Variants in KRT79 observed in about 807,000 individuals in gnomAD.
KRT79 encodes the protein keratin, type II cytoskeletal 79.
In KRT79, 51 loss-of-function variants were observed where a neutral mutation model predicts 49.0. The ratio of observed to expected loss-of-function variants is 1.04; its 90% CI spans 0.83 to 1.31. KRT79 has a LOEUF of 1.31. Ranked by LOEUF, KRT79 falls within the 40% of genes most tolerant of loss-of-function variation. The pLI is 0.00. For synonymous variants in KRT79, 312 were observed against 286.6 expected (o/e 1.09, Z -0.90); for missense variants, 728 against 688.0 (o/e 1.06, Z -0.65).
At chr12:52,830,166 C>T in intron 3 of KRT79, 48 bp from the exon 4 acceptor site, 1 of 1,612,462 alleles carries the variant, frequency 6.2e-7, no homozygotes, top group Non-Finnish European at 8.5e-7. Context: ...GGGATGTCCC[C>T]TCTCCCCGAA....
At chr12:52,830,615 C>T (rs1474914380) in intron 2 of KRT79, among the ~76,000 whole-genome samples, 1 of 152,208 alleles carries the variant, frequency 6.6e-6, no homozygotes. Context: ...CTGACCTTTA[C>T]CATCACTTTC....
rs2638502 is a variant in KRT79, at chr12:52,830,164, C to A, written c.760-46G>T. 26,533 of 1,611,596 alleles carry A rather than the reference C, an allele frequency of 0.016. 3,622 individuals carry two copies. In the African/African-American group the frequency reaches 0.3, roughly 18 times the overall value. On this transcript the variant is annotated intron_variant, in intron 3 of 8. Transcript: ENST00000330553. ...CAGATCCTCAGGCCCCAGGGATGTCCCCTCTCCCCGAATCAGCCCAGTACC... is the reference window on the plus strand; with the variant it reads ...CAGATCCTCAGGCCCCAGGGATGTCACCTCTCCCCGAATCAGCCCAGTACC...
At chr12:52,832,388 T>G (rs1366660970) in intron 1 of KRT79, among the ~76,000 whole-genome samples, 2 of 152,144 alleles carry the variant, frequency 1.3e-5, no homozygotes, top group Non-Finnish European at 2.9e-5. Flanking sequence ...AAAAAACTTT[T>G]TTTAAAGTAC....
At position 52,834,174 on chromosome 12, in the gene KRT79, G is replaced by A. The variant is rs578243625; in HGVS notation, c.87C>T (p.Ala29=). 1 of 1,613,748 alleles carries A rather than the reference G, an allele frequency of 6.2e-7. No individual in the cohort carries two copies. Among genetic ancestry groups the A allele is most frequent in the African/African-American group, 1.3e-5 (1 of 75,034 alleles). The change falls in exon 1 of 9, where the codon GCC becomes GCT. Residue 29 remains alanine, a synonymous_variant. Coordinates refer to ENST00000330553, the MANE Select transcript of KRT79 (RefSeq NM_175834.3). ...NSASGGSGSQ[A]RTSFSSVTVS... is the part of the protein sequence containing the mutation. ...CCGTCACTGAGCTGAAGCTGGTGCG[G>A]GCCTGGGACCCACTCCCTCCGCTGG... is the stretch of plus-strand genomic sequence containing the variant.
At chr12:52,829,573 C>T (rs1479023687) in intron 4 of KRT79, among the ~76,000 whole-genome samples, 2 of 152,186 alleles carry the variant, frequency 1.3e-5, no homozygotes, top group African/African-American at 4.8e-5. Context: ...CCATCAAAAG[C>T]ACTTAATAAG....
intron 4 of KRT79, 77 bp from the exon 5 acceptor site, chr12:52,824,439 C>T (rs1189192384): frequency 3.4e-6 from 5 of 1,455,412 alleles, no homozygotes; most frequent in African/African-American, 1.4e-5. Context: ...AGGACATGGG[C>T]CCCCAGGTAG....
intron 7 of KRT79, 93 bp downstream of exon 7, chr12:52,822,923 C>A: frequency 1.5e-6 from 2 of 1,293,888 alleles, no homozygotes; most frequent in East Asian, 2.4e-5. Context: ...CCTGGTTCCT[C>A]TCTCCCTCTC....
In KRT79 at chr12:52,831,386, G is replaced by T; in HGVS notation, c.698+20C>A. 1.2e-6 allele frequency: 2 copies of T among 1,610,572 alleles called. No homozygotes were observed. The highest frequency in any genetic ancestry group is 1.7e-6 in the Non-Finnish European group (2 of 1,177,006). ...CCCCTCCTCACTCCCACATGGCCCC[G>T]CCTGGCCTGCTCTCCTCACTTGTTC... On this transcript the variant is annotated intron_variant, in intron 2 of 8. Coordinates refer to ENST00000330553, the MANE Select transcript of KRT79 (RefSeq NM_175834.3).
At position 52,824,343 on chromosome 12, in the gene KRT79, G is replaced by T; in HGVS notation, c.875C>A (p.Thr292Asn). The T allele has an allele frequency of 6.2e-7, 1 of 1,614,138 alleles. No homozygotes were observed. The highest frequency in any genetic ancestry group is 8.5e-7 in the Non-Finnish European group (1 of 1,179,978). ...CACCACATTGGTGTTAGACACGTGG[G>T]TCTGCACTTGGCTCAGCTCCTGAAG... The part of the protein sequence containing the change: ...LYEMELSQVQ[T>N]HVSNTNVVLS... Residue 292 changes from threonine (T) to asparagine (N), a missense_variant, in exon 5 of 9, where the codon ACC (threonine) becomes AAC (asparagine). Thr to Asn is a moderately conservative substitution (Grantham distance 65, BLOSUM62 0). Transcript: ENST00000330553.
chr12:52,823,070 G>T lies in KRT79; in HGVS notation c.1313C>A (p.Ala438Asp). The change falls in exon 7 of 9, where the codon GCC (alanine) becomes GAC (aspartate). Residue 438 changes from alanine to aspartate, a missense_variant. Transcript: ENST00000330553. The part of the protein sequence containing the change: ...DYQELMNVKL[A>D]LDVEIATYRK... Reference sequence around the variant, plus strand: ...GTAGGTGGCAATCTCCACGTCCAGGGCCAGCTTGACATTCATCAGCTCCTG... The same window carrying T: ...GTAGGTGGCAATCTCCACGTCCAGGTCCAGCTTGACATTCATCAGCTCCTG... 6.2e-7 allele frequency: 1 copy of T among 1,614,148 alleles called. No individual in the cohort carries two copies. The highest frequency in any genetic ancestry group is 8.5e-7 in the Non-Finnish European group (1 of 1,180,012).
Position 52,823,186 on chromosome 12 carries a change from C to T in KRT79, c.1197G>A (p.Leu399=). The T allele has an allele frequency of 1.2e-6, 2 of 1,614,224 alleles. No homozygotes were observed. Among genetic ancestry groups the T allele is most frequent in the Non-Finnish European group, 1.7e-6 (2 of 1,180,028 alleles). Residue 399 remains leucine (L), a synonymous_variant, in exon 7 of 9, where the codon CTG becomes CTA. Coordinates refer to ENST00000330553, the MANE Select transcript of KRT79 (RefSeq NM_175834.3). Reference sequence around the variant, plus strand: ...GCTTCTTCTGAGCATCCTTGAGTGCCAGCTCCCCACGCTGCTCCGCTTCCG... The same window carrying T: ...GCTTCTTCTGAGCATCCTTGAGTGCTAGCTCCCCACGCTGCTCCGCTTCCG... ...AIAEAEQRGE[L]ALKDAQKKLG...
intron 1 of KRT79, among the ~76,000 whole-genome samples, chr12:52,832,084 C>A (rs1362501159): frequency 6.6e-6 from 1 of 152,140 alleles, no homozygotes; most frequent in Admixed American, 6.5e-5. Context: ...GCCTAGGCAA[C>A]ATAGCAAGAC....
intron 1 of KRT79, among the ~76,000 whole-genome samples, chr12:52,832,524 T>C (rs1434431683): frequency 6.6e-6 from 1 of 150,982 alleles, no homozygotes; most frequent in Non-Finnish European, 1.5e-5. Flanking sequence ...GCTCCCAAGC[T>C]GTGATTCTGC....
chr12:52,828,587 A>G (rs535206758), intron 4 of KRT79, among the ~76,000 whole-genome samples: 12 of 152,344 alleles, frequency 7.9e-5, no homozygotes, highest in Non-Finnish European at 1.5e-4. Context: ...CATAGGAAAG[A>G]AAGGGAATGG....
chr12:52,823,894 T>C lies in KRT79; in HGVS notation c.1139A>G (p.Lys380Arg). ...QRLQGEADAAKKQCQQLQTAI... is the reference protein window; with the variant it reads ...QRLQGEADAARKQCQQLQTAI... Reference sequence around the variant, plus strand: ...CCCCCAGTAGAGTCCCACCTGCTTCTTGGCTGCATCAGCCTCCCCCTGCAG... The same window carrying C: ...CCCCCAGTAGAGTCCCACCTGCTTCCTGGCTGCATCAGCCTCCCCCTGCAG... Residue 380 changes from lysine to arginine, a missense_variant, in exon 6 of 9, where the codon AAG (lysine) becomes AGG (arginine). Lys to Arg is a conservative substitution (Grantham distance 26). Transcript: ENST00000330553. 6.2e-7 allele frequency: 1 copy of C among 1,613,240 alleles called. No individual in the cohort carries two copies. The highest frequency in any genetic ancestry group is 8.5e-7 in the Non-Finnish European group (1 of 1,179,848).
intron 4 of KRT79, among the ~76,000 whole-genome samples, chr12:52,828,152 A>T (rs1940202140): frequency 6.6e-6 from 1 of 152,182 alleles, no homozygotes; most frequent in South Asian, 2.1e-4. Context: ...GAAAAGTGGA[A>T]CCAAGTGGAT....
intron 4 of KRT79, among the ~76,000 whole-genome samples, chr12:52,828,449 C>T (rs1940205690): frequency 1.3e-5 from 2 of 152,160 alleles, no homozygotes; most frequent in Non-Finnish European, 2.9e-5. Flanking sequence ...TATCAAATAC[C>T]TAGACTGAAA....
chr12:52,831,798 G>A (rs367653865), intron 1 of KRT79, among the ~76,000 whole-genome samples, 172 bp from the exon 2 acceptor site: 5 of 152,262 alleles, frequency 3.3e-5, no homozygotes, highest in Admixed American at 1.3e-4. Context: ...TGCTGGAAAC[G>A]ACCGTCCAAT....
At chr12:52,832,764 C>T (rs545262020) in intron 1 of KRT79, among the ~76,000 whole-genome samples, 24 of 152,168 alleles carry the variant, frequency 1.6e-4, no homozygotes, top group African/African-American at 2.7e-4. Flanking sequence ...GTGCCAAGAA[C>T]CACAGAGTCC....
Sources: allele counts gnomAD v4.1 joint callset (sites outside exome capture counted in the v4.1 genomes callset), GRCh38; gene constraint gnomAD v4.1.1; transcripts MANE v1.5; gene names NCBI Gene and HGNC (gene_info 2026-07-23, HGNC 2026-07-21).